The following LGR4 variants were observed in gnomAD, a reference collection of about 807,000 sequenced individuals.
LGR4 encodes the protein leucine-rich repeat-containing G protein-coupled receptor 4.
Under a neutral mutation model 84.8 loss-of-function variants are expected in LGR4, and 44 were observed. The observed-to-expected ratio is 0.52, with a 90% CI of 0.41 to 0.67. The LOEUF is 0.67. Among genes scored for constraint, LGR4 ranks in the 30% least tolerant of loss-of-function variants. The probability of loss-of-function intolerance (pLI) is 0.00; values close to 1 mark genes in which losing one functional copy is unlikely to be tolerated. For synonymous variants in LGR4, 429 were observed against 434.3 expected (o/e 0.99, Z 0.15); for missense variants, 1,032 against 1,131.4 (o/e 0.91, Z 1.26).
At chr11:27,372,525 G>A (rs376628488) in intron 15 of LGR4, 127 bp from the exon 16 acceptor site, 8 of 611,658 alleles carry the variant, frequency 1.3e-5, no homozygotes, top group Middle Eastern at 3.5e-4. Context: ...TGTGCTTTAG[G>A]CTGGTCGTTC....
intron 1 of LGR4, among the ~76,000 whole-genome samples, chr11:27,465,668 A>G (rs1366686723): frequency 6.6e-6 from 1 of 152,276 alleles, no homozygotes; most frequent in African/African-American, 2.4e-5. Flanking sequence ...TCAACTGTAC[A>G]TGAGCTAAAA....
intron 1 of LGR4, among the ~76,000 whole-genome samples, chr11:27,443,670 A>C (rs1864339534): frequency 6.6e-6 from 1 of 152,256 alleles, no homozygotes; most frequent in Non-Finnish European, 1.5e-5. Flanking sequence ...GACAGCTAGA[A>C]CATTAAAATG....
chr11:27,435,872 G>A (rs1459474729), intron 1 of LGR4, among the ~76,000 whole-genome samples: 2 of 151,680 alleles, frequency 1.3e-5, no homozygotes, highest in Admixed American at 6.6e-5. Flanking sequence ...TAAGAGGTAG[G>A]TTCTATCGCT....
rs201095301 is a variant in LGR4 at position 27,367,902 on chromosome 11, G to A, written c.2821C>T (p.Arg941Cys). 1.0e-5 allele frequency: 16 copies of A among 1,603,576 alleles called. No individual in the cohort carries two copies. The South Asian group carries it at 1.0e-4, about 10-fold the overall frequency. Residue 941 changes from arginine (R) to cysteine (C), a missense_variant, in exon 18 of 18, where the codon CGC becomes TGC. By Grantham distance (180) the Arg-to-Cys change is radical. Transcript: ENST00000379214. The stretch of plus-strand genomic sequence containing the variant: ...ACTCTTGGTAGATTGTAAGCATAGC[G>A]CACCAAAGGGAATCCTCTACTCTGG... ...FYQSRGFPLVRYAYNLPRVKD is the reference protein window; with the variant it reads ...FYQSRGFPLVCYAYNLPRVKD
At chr11:27,447,729 C>A (rs143148275) in intron 1 of LGR4, among the ~76,000 whole-genome samples, 100 of 152,206 alleles carry the variant, frequency 6.6e-4, no homozygotes, top group African/African-American at 2.3e-3. Flanking sequence ...GGCTGAACCC[C>A]AATTTTGGGG....
In LGR4 at chr11:27,368,888, C is replaced by T; in HGVS notation, c.1835G>A (p.Trp612Ter). ...WGRFAEFGIWWETGSGCKVAG... is the reference protein window; with the variant it reads ...WGRFAEFGIW Reference sequence around the variant, plus strand: ...TACTTTGCAGCCACTGCCAGTTTCCCACCAAATGCCAAATTCAGCGAATCT... The same window carrying T: ...TACTTTGCAGCCACTGCCAGTTTCCTACCAAATGCCAAATTCAGCGAATCT... The change falls in exon 18 of 18, where the codon TGG becomes TAG. Residue 612 changes from tryptophan to a stop codon, truncating the protein, a stop_gained. Coordinates refer to ENST00000379214, the MANE Select transcript of LGR4 (RefSeq NM_018490.5). LOFTEE classifies it low-confidence loss of function (END_TRUNC). The T allele has an allele frequency of 6.2e-7, 1 of 1,614,136 alleles. No homozygotes were observed. Among genetic ancestry groups the T allele is most frequent in the Non-Finnish European group, 8.5e-7 (1 of 1,180,016 alleles).
intron 1 of LGR4, among the ~76,000 whole-genome samples, chr11:27,451,819 C>T (rs984459201): frequency 2.0e-5 from 3 of 152,192 alleles, no homozygotes; most frequent in African/African-American, 7.2e-5. Flanking sequence ...TAAGACTGTA[C>T]CAAGCACTCA....
rs145626637 is a variant in LGR4 at position 27,370,326 on chromosome 11, A to C, written c.1580-1183T>G. 3.1e-3 allele frequency among the ~76,000 whole-genome samples: 466 copies of C among 152,310 alleles called. 2 individuals carry two copies. Among genetic ancestry groups the C allele is most frequent in the African/African-American group, 0.011 (441 of 41,572 alleles). Reference sequence around the variant, plus strand: ...AGGAAGTGCTAAGAGAAAGCTCGTTATCACCTTTATCTCTGTTATCTAAAC... The same window carrying C: ...AGGAAGTGCTAAGAGAAAGCTCGTTCTCACCTTTATCTCTGTTATCTAAAC... On this transcript the variant is annotated intron_variant, in intron 17 of 17. Transcript: ENST00000379214.
At chr11:27,446,252 T>C (rs1864388145) in intron 1 of LGR4, among the ~76,000 whole-genome samples, 1 of 152,212 alleles carries the variant, frequency 6.6e-6, no homozygotes, top group African/African-American at 2.4e-5. Flanking sequence ...ACTCTGATGG[T>C]AGTTTCTTTT....
At chr11:27,398,381 G>T (rs1471874666) in intron 2 of LGR4, among the ~76,000 whole-genome samples, 1 of 152,188 alleles carries the variant, frequency 6.6e-6, no homozygotes, top group East Asian at 1.9e-4. Flanking sequence ...GTGAAATAGA[G>T]AATTTACCAA....
Position 27,472,785 on chromosome 11 carries a change from C to T in LGR4, c.-483G>A. 1.2e-5 allele frequency: 4 copies of T among 325,872 alleles called. No homozygotes were observed. The highest frequency in any genetic ancestry group is 2.2e-5 in the Non-Finnish European group (4 of 180,024). 20.2% of individuals were successfully genotyped at this position (325,872 alleles called of 1,614,324 possible). On this transcript the variant is annotated 5_prime_UTR_variant, in exon 1 of 18. The change creates a new upstream start codon in the 5' untranslated region. Transcript: ENST00000379214. ...CGTCCTTTTCCCTTCTAGGGTTGCA[C>T]GCTCTGGTTCCCAAACCCCCGGCCG...
chr11:27,458,833 C>T (rs976785094), intron 1 of LGR4, among the ~76,000 whole-genome samples: 17 of 151,962 alleles, frequency 1.1e-4, no homozygotes, highest in African/African-American at 3.4e-4. Flanking sequence ...GTTACCATGC[C>T]GGGCCTTGAA....
At chr11:27,389,990 T>C (rs1482133068) in intron 4 of LGR4, among the ~76,000 whole-genome samples, 1 of 152,194 alleles carries the variant, frequency 6.6e-6, no homozygotes, top group East Asian at 1.9e-4. Flanking sequence ...AAGAATTGAA[T>C]GGCCAACACC....
intron 1 of LGR4, among the ~76,000 whole-genome samples, chr11:27,447,023 C>T (rs1180504876): frequency 3.5e-5 from 5 of 141,116 alleles, no homozygotes; most frequent in South Asian, 2.4e-4. Flanking sequence ...CATCACACAC[C>T]GGGGCCTGTC....
chr11:27,366,180 T>C lies in LGR4; in HGVS notation c.*1687A>G, dbSNP rs1453875572. On this transcript the variant is annotated 3_prime_UTR_variant, in exon 18 of 18. Coordinates refer to ENST00000379214, the MANE Select transcript of LGR4 (RefSeq NM_018490.5). Reference sequence around the variant, plus strand: ...TTATCAGATGTGTAAATATACATGATAGCAATTTTTAAAACTTGTAAATAG... The same window carrying C: ...TTATCAGATGTGTAAATATACATGACAGCAATTTTTAAAACTTGTAAATAG... 1 of 152,574 alleles carries C rather than the reference T, an allele frequency of 6.6e-6. No individual in the cohort carries two copies. The highest frequency in any genetic ancestry group is 1.5e-5 in the Non-Finnish European group (1 of 67,978). The allele number at this position is 152,574 out of a possible 1,614,324, so 9.5% of individuals were successfully genotyped here.
chr11:27,440,543 T>G (rs1438141788), intron 1 of LGR4, among the ~76,000 whole-genome samples: 2 of 152,212 alleles, frequency 1.3e-5, no homozygotes, highest in Non-Finnish European at 2.9e-5. Flanking sequence ...ATGGTTCTCA[T>G]GAGTTAATTC....
intron 1 of LGR4, among the ~76,000 whole-genome samples, chr11:27,442,656 T>G (rs991275562): frequency 6.6e-6 from 1 of 152,176 alleles, no homozygotes; most frequent in Non-Finnish European, 1.5e-5. Flanking sequence ...CTGAGAAGAC[T>G]CTAAAATGAA....
chr11:27,417,512 C>T (rs1349218749), intron 1 of LGR4, among the ~76,000 whole-genome samples: 1 of 152,124 alleles, frequency 6.6e-6, no homozygotes. Context: ...TCTCTCTCAA[C>T]CACAAGTAGT....
chr11:27,371,556 A>G, intron 17 of LGR4, 59 bp downstream of exon 17: 1 of 1,135,608 alleles, frequency 8.8e-7, no homozygotes, highest in Non-Finnish European at 1.3e-6. Flanking sequence ...GGACATTTAG[A>G]TATATTTGCC....
Sources: allele counts gnomAD v4.1 joint callset (sites outside exome capture counted in the v4.1 genomes callset), GRCh38; gene constraint gnomAD v4.1.1; transcripts MANE v1.5; gene names NCBI Gene and HGNC (gene_info 2026-07-23, HGNC 2026-07-21).